The following FAM174A variants were observed in gnomAD, a reference collection of about 807,000 sequenced individuals.
FAM174A encodes membrane protein FAM174A.
A neutral mutation model predicts 14.3 loss-of-function variants in FAM174A; 14 were observed. That is an observed-to-expected ratio of 0.98 (90% confidence interval 0.65 to 1.53). FAM174A has a LOEUF of 1.53. Ranked by LOEUF, FAM174A falls within the 40% of genes most tolerant of loss-of-function variation. FAM174A has a pLI of 0.00. For synonymous variants in FAM174A, 108 were observed against 111.4 expected (o/e 0.97, Z 0.19); for missense variants, 241 against 249.6 (o/e 0.97, Z 0.23).
intron 2 of FAM174A, among the ~76,000 whole-genome samples, chr5:100,577,136 A>G (rs1053425790): frequency 6.6e-6 from 1 of 152,268 alleles, no homozygotes; most frequent in East Asian, 1.9e-4. Context: ...TTTGATTATT[A>G]CACATTGTAT....
intron 1 of FAM174A, among the ~76,000 whole-genome samples, chr5:100,547,228 A>AT (rs957266539): frequency 1.3e-5 from 2 of 152,106 alleles, no homozygotes; most frequent in African/African-American, 4.8e-5. Flanking sequence ...CTGTCCATTC[A>AT]TAAAAAAAAG....
chr5:100,586,450 G>A lies in FAM174A; in HGVS notation c.*266G>A, dbSNP rs1417065238. 2 of 238,368 alleles carry A rather than the reference G, an allele frequency of 8.4e-6. No homozygotes were observed. The highest frequency in any genetic ancestry group is 7.2e-5 in the East Asian group (1 of 13,826). 14.8% of individuals were successfully genotyped at this position (238,368 alleles called of 1,614,324 possible). Reference sequence around the variant, plus strand: ...TCTGTTTGAAAATTACTATAAAACGGTGTTTTCTGATCGGTTTTTGTTTCC... The same window carrying A: ...TCTGTTTGAAAATTACTATAAAACGATGTTTTCTGATCGGTTTTTGTTTCC... On this transcript the variant is annotated 3_prime_UTR_variant, in exon 3 of 3. Coordinates refer to ENST00000312637, the MANE Select transcript of FAM174A (RefSeq NM_198507.3).
chr5:100,561,992 A>G, intron 1 of FAM174A, 62 bp from the exon 2 acceptor site: 1 of 900,872 alleles, frequency 1.1e-6, no homozygotes. Context: ...TTTATTTTAT[A>G]AATAAATATA....
chr5:100,541,661 C>T (rs1746055916), intron 1 of FAM174A, among the ~76,000 whole-genome samples: 1 of 152,054 alleles, frequency 6.6e-6, no homozygotes, highest in Admixed American at 6.6e-5. Flanking sequence ...AGGAGGGAAT[C>T]TAAATAAAGC....
At chr5:100,567,493 C>T (rs541832477) in intron 2 of FAM174A, among the ~76,000 whole-genome samples, 2 of 151,666 alleles carry the variant, frequency 1.3e-5, no homozygotes, top group South Asian at 2.1e-4. Flanking sequence ...TTTTTTTCTT[C>T]GAGGAGCATA....
At chr5:100,575,127 A>G (rs1746873974) in intron 2 of FAM174A, among the ~76,000 whole-genome samples, 2 of 152,106 alleles carry the variant, frequency 1.3e-5, no homozygotes, top group African/African-American at 4.8e-5. Context: ...CTTCTATACT[A>G]CCACTTGTAT....
chr5:100,574,033 A>C (rs1304175006), intron 2 of FAM174A, among the ~76,000 whole-genome samples: 1 of 152,108 alleles, frequency 6.6e-6, no homozygotes, highest in East Asian at 1.9e-4. Flanking sequence ...CTCTGAAAAC[A>C]TCCTAACTAC....
intron 2 of FAM174A, among the ~76,000 whole-genome samples, chr5:100,585,874 C>T (rs915880629): frequency 2.0e-5 from 3 of 152,098 alleles, no homozygotes; most frequent in East Asian, 3.8e-4. Flanking sequence ...ATTGTATACT[C>T]AAGTCAACTA....
At chr5:100,569,837 G>T (rs999619826) in intron 2 of FAM174A, among the ~76,000 whole-genome samples, 34 of 149,214 alleles carry the variant, frequency 2.3e-4, no homozygotes, top group Admixed American at 1.3e-3. Flanking sequence ...TATATATGGA[G>T]ATATATATAT....
chr5:100,581,424 A>C lies in FAM174A; in HGVS notation c.570-4757A>C. Reference sequence around the variant, plus strand: ...CACTGAGTAGGTGGCAATTGAGTTAAAGTTATTTTTTTAAAGATATAAGTT... The same window carrying C: ...CACTGAGTAGGTGGCAATTGAGTTACAGTTATTTTTTTAAAGATATAAGTT... On this transcript the variant is annotated intron_variant, in intron 2 of 2. Coordinates refer to ENST00000312637, the MANE Select transcript of FAM174A (RefSeq NM_198507.3). 7.1e-6 allele frequency: 7 copies of C among 979,080 alleles called. No individual in the cohort carries two copies. The South Asian group carries it at 2.8e-4, about 40-fold the overall frequency. The allele number at this position is 979,080 out of a possible 1,614,324, so 60.6% of individuals were successfully genotyped here. A position where few individuals can be genotyped will look rare whatever the true frequency, so the allele number is the denominator to read the frequency against.
chr5:100,568,716 G>A (rs1291820266), intron 2 of FAM174A, among the ~76,000 whole-genome samples: 1 of 149,536 alleles, frequency 6.7e-6, no homozygotes, highest in Non-Finnish European at 1.5e-5. Flanking sequence ...GAATTGCTTT[G>A]CTTAAAAAAA....
At chr5:100,579,757 A>T (rs1746973967) in intron 2 of FAM174A, among the ~76,000 whole-genome samples, 2 of 152,274 alleles carry the variant, frequency 1.3e-5, no homozygotes, top group East Asian at 3.9e-4. Context: ...AGAATTGTGC[A>T]CACTAGCCTC....
chr5:100,544,564 T>C (rs1746129159), intron 1 of FAM174A, among the ~76,000 whole-genome samples: 1 of 152,122 alleles, frequency 6.6e-6, no homozygotes, highest in Non-Finnish European at 1.5e-5. Flanking sequence ...AAATGTGAGG[T>C]AGCTGTGTGA....
At chr5:100,575,506 G>GT (rs1746884530) in intron 2 of FAM174A, among the ~76,000 whole-genome samples, 2 of 151,932 alleles carry the variant, frequency 1.3e-5, no homozygotes, top group East Asian at 1.9e-4. Context: ...GCGGTGTTTG[G>GT]TTTTTTGTCC....
chr5:100,584,322 T>C (rs154711), intron 2 of FAM174A, among the ~76,000 whole-genome samples: 85,957 of 152,020 alleles, frequency 0.57, 26,763 homozygotes, highest in African/African-American at 0.82. Context: ...CTCTTCCGTA[T>C]TAATAAGTGT....
chr5:100,549,903 G>A (rs2112372214), intron 1 of FAM174A, among the ~76,000 whole-genome samples: 1 of 152,128 alleles, frequency 6.6e-6, no homozygotes, highest in East Asian at 1.9e-4. Context: ...ATCCTGAGAG[G>A]TTAAAAAGAG....
In FAM174A at chr5:100,556,022, C is replaced by T. The variant is rs142997912; in HGVS notation, c.435-6032C>T. On this transcript the variant is annotated intron_variant, in intron 1 of 2. Transcript: ENST00000312637. ...TTCGACATGAAGTCCTTGTCGGTGC[C>T]TATGTCCTGAATGGTATTGCCTAGG... Among the ~76,000 whole-genome samples, 493 of 152,292 alleles carry T rather than the reference C, an allele frequency of 3.2e-3. 4 individuals carry two copies. The highest frequency in any genetic ancestry group is 0.011 in the African/African-American group (460 of 41,566).
intron 2 of FAM174A, among the ~76,000 whole-genome samples, chr5:100,585,409 T>G (rs1223010508): frequency 6.6e-6 from 1 of 152,136 alleles, no homozygotes; most frequent in East Asian, 1.9e-4. Context: ...TCTTAAATTT[T>G]TAATATTTCA....
At chr5:100,551,064 C>T (rs1384038148) in intron 1 of FAM174A, among the ~76,000 whole-genome samples, 3 of 151,982 alleles carry the variant, frequency 2.0e-5, no homozygotes, top group Admixed American at 6.6e-5. Context: ...AATGGATAGC[C>T]GGAGTAGGCA....
Sources: gnomAD v4.1 joint callset for allele counts (sites outside exome capture counted in the v4.1 genomes callset) on GRCh38, gnomAD v4.1.1 for gene constraint, MANE v1.5 for transcripts, NCBI Gene and HGNC (gene_info 2026-07-23, HGNC 2026-07-21) for gene names.